PARVB: variants seen among roughly 807,000 people sequenced by gnomAD.
The protein encoded by PARVB is parvin beta, also known as beta-parvin.
In PARVB, 46 loss-of-function variants were observed where a neutral mutation model predicts 47.0. That is an observed-to-expected ratio of 0.98 (90% confidence interval 0.77 to 1.25). The LOEUF is 1.25. PARVB is among the 50% of genes most tolerant of loss of function. The pLI, the probability that PARVB is intolerant of heterozygous loss-of-function variation, is 0.00. For synonymous variants in PARVB, 196 were observed against 196.3 expected, an observed-to-expected ratio of 1.00 and a Z score of 0.01; for missense variants, 473 against 471.6, an observed-to-expected ratio of 1.00 and a Z score of -0.03.
intron 10 of PARVB, 74 bp from the exon 11 acceptor site, chr22:44,157,908 C>G (rs1190798164): frequency 7.9e-6 from 8 of 1,009,674 alleles, no homozygotes; most frequent in Non-Finnish European, 1.3e-5. Flanking sequence ...AAAAAATATG[C>G]CCCCCTTAAG....
chr22:44,066,633 T>A (rs955788655), intron 1 of PARVB, among the ~76,000 whole-genome samples: 8 of 152,222 alleles, frequency 5.3e-5, no homozygotes, highest in African/African-American at 1.9e-4. Context: ...ACGCACCCTG[T>A]ATAAGACCTT....
intron 2 of PARVB, among the ~76,000 whole-genome samples, chr22:44,003,138 A>G (rs2050429487): frequency 6.6e-6 from 1 of 152,164 alleles, no homozygotes; most frequent in African/African-American, 2.4e-5. Context: ...CACTAGATGG[A>G]TGTGCCGGTC....
intron 1 of PARVB, among the ~76,000 whole-genome samples, chr22:44,066,672 C>T (rs550476365): frequency 2.6e-5 from 4 of 152,282 alleles, no homozygotes; most frequent in South Asian, 2.1e-4. Flanking sequence ...TCACTGCCTC[C>T]GTTTCCTCAT....
At chr22:44,071,691 C>T (rs2051658267) in intron 1 of PARVB, among the ~76,000 whole-genome samples, 1 of 152,134 alleles carries the variant, frequency 6.6e-6, no homozygotes, top group African/African-American at 2.4e-5. Context: ...CAGTTGAGGA[C>T]CTGGAAGTCA....
intron 2 of PARVB, among the ~76,000 whole-genome samples, chr22:44,011,685 C>T (rs2050524686): frequency 6.6e-6 from 1 of 152,018 alleles, no homozygotes; most frequent in South Asian, 2.1e-4. Context: ...GTCTGTCTGG[C>T]CCCTTACACA....
rs2054247564 is a variant in PARVB, at chr22:44,169,735, C to T, written c.*1057C>T. 2 of 150,218 alleles carry T rather than the reference C, an allele frequency of 1.3e-5. 1 individual carries two copies. The highest frequency in any genetic ancestry group is 1.3e-4 in the Admixed American group (2 of 15,238). The allele number at this position is 150,218 out of a possible 1,614,324, so 9.3% of individuals were successfully genotyped here. ...TTGTTTTTATTTTTTGAGACAGAGT[C>T]TCGCTCTGTCACCAGGCTGGAGTGC... On this transcript the variant is annotated 3_prime_UTR_variant, in exon 13 of 13. Transcript: ENST00000338758.
At chr22:44,132,553 G>T (rs2053351428) in intron 5 of PARVB, among the ~76,000 whole-genome samples, 1 of 152,138 alleles carries the variant, frequency 6.6e-6, no homozygotes, top group African/African-American at 2.4e-5. Flanking sequence ...CCTTGTGATG[G>T]GTAAGTGGCC....
chr22:44,132,300 G>T (rs1008118899), intron 5 of PARVB, among the ~76,000 whole-genome samples: 1 of 152,208 alleles, frequency 6.6e-6, no homozygotes, highest in African/African-American at 2.4e-5. Flanking sequence ...CTGTCTCGTG[G>T]GTGGCTGGGT....
chr22:44,135,437 T>C (rs974581548), intron 6 of PARVB, among the ~76,000 whole-genome samples: 1 of 152,182 alleles, frequency 6.6e-6, no homozygotes, highest in Non-Finnish European at 1.5e-5. Flanking sequence ...TTTTGTATTT[T>C]TAGCAGAGAC....
intron 6 of PARVB, among the ~76,000 whole-genome samples, chr22:44,135,222 C>T (rs557451082): frequency 6.6e-6 from 1 of 152,222 alleles, no homozygotes; most frequent in African/African-American, 2.4e-5. Flanking sequence ...GGCTGCCACC[C>T]CTACCATCAC....
intron 1 of PARVB, among the ~76,000 whole-genome samples, chr22:44,074,599 G>C (rs904121000): frequency 2.6e-5 from 4 of 152,166 alleles, no homozygotes; most frequent in Non-Finnish European, 4.4e-5. Context: ...TGAGGAGCAG[G>C]GCAGGCTGAC....
intron 1 of PARVB, among the ~76,000 whole-genome samples, chr22:44,032,816 T>C (rs1264697918): frequency 6.6e-6 from 1 of 152,122 alleles, no homozygotes; most frequent in Non-Finnish European, 1.5e-5. Context: ...AGTCTGGGCT[T>C]AGGGAAAAAG....
At chr22:44,121,423 A>T (rs1047936236) in intron 4 of PARVB, among the ~76,000 whole-genome samples, 1 of 152,198 alleles carries the variant, frequency 6.6e-6, no homozygotes, top group African/African-American at 2.4e-5. Context: ...TCTCTAAATT[A>T]TGCTAAATAT....
intron 2 of PARVB, among the ~76,000 whole-genome samples, chr22:44,007,265 A>G (rs1262003559): frequency 1.3e-5 from 2 of 149,476 alleles, no homozygotes; most frequent in African/African-American, 2.5e-5. Context: ...AGCTCCGCCT[A>G]TGGGAGGAAG....
chr22:44,102,049 G>A (rs144597947), intron 3 of PARVB, among the ~76,000 whole-genome samples: 75 of 152,246 alleles, frequency 4.9e-4, no homozygotes, highest in African/African-American at 1.5e-3. Context: ...ACTTGACTAC[G>A]GAGGCTGAGA....
intron 1 of PARVB, among the ~76,000 whole-genome samples, chr22:44,091,265 G>A (rs2052159465): frequency 6.7e-6 from 1 of 149,730 alleles, no homozygotes; most frequent in South Asian, 2.1e-4. Flanking sequence ...GTTACCTGGA[G>A]AGGGCCTGCT....
At chr22:44,019,775 T>A (rs1176028736), upstream of PARVB, among the ~76,000 whole-genome samples, 1 of 151,906 alleles carries the variant, frequency 6.6e-6, no homozygotes, top group Non-Finnish European at 1.5e-5. Flanking sequence ...CCATGAGGGA[T>A]CCTCCCCAGG....
chr22:44,039,106 A>G (rs2050972788), intron 1 of PARVB, among the ~76,000 whole-genome samples: 1 of 152,232 alleles, frequency 6.6e-6, no homozygotes, highest in African/African-American at 2.4e-5. Flanking sequence ...TGTGGTGAGA[A>G]TAGGACAGCT....
At position 44,069,106 on chromosome 22, in the gene PARVB, G is replaced by C. The variant is rs2051596405; in HGVS notation, c.113-24822G>C. 3.7e-6 allele frequency: 6 copies of C among 1,611,456 alleles called. No individual in the cohort carries two copies. The South Asian group carries it at 6.6e-5, about 18-fold the overall frequency. On this transcript the variant is annotated intron_variant, in intron 1 of 12. Transcript: ENST00000338758. ...CGGGGTGTGTGCCCGCCTGCCCTCC[G>C]ACGTCCGCCGGCTGTGCTGGTCTGC... is the stretch of plus-strand genomic sequence containing the variant.
Sources: gnomAD v4.1 joint callset for allele counts (sites outside exome capture counted in the v4.1 genomes callset) on GRCh38, gnomAD v4.1.1 for gene constraint, MANE v1.5 for transcripts, NCBI Gene and HGNC (gene_info 2026-07-23, HGNC 2026-07-21) for gene names.